MGAT5: variants seen among roughly 807,000 people sequenced by gnomAD.
The protein encoded by MGAT5 is alpha-1,6-mannosylglycoprotein 6-beta-N-acetylglucosaminyltransferase.
In MGAT5, 30 loss-of-function variants were observed where a neutral mutation model predicts 94.3. The ratio of observed to expected loss-of-function variants is 0.32; its 90% CI spans 0.24 to 0.43. MGAT5 has a LOEUF of 0.43. Among genes scored for constraint, MGAT5 ranks in the 20% least tolerant of loss-of-function variants. The probability of loss-of-function intolerance (pLI) is 1.00; values close to 1 mark genes in which losing one functional copy is unlikely to be tolerated. For missense variants in MGAT5, 691 were observed against 905.5 expected, an observed-to-expected ratio of 0.76 and a Z score of 3.04; for synonymous variants, 310 against 322.9, an observed-to-expected ratio of 0.96 and a Z score of 0.43.
chr2:134,445,570 G>A (rs1010983174), intron 15 of MGAT5, among the ~76,000 whole-genome samples: 1 of 152,176 alleles, frequency 6.6e-6, no homozygotes, highest in African/African-American at 2.4e-5. Context: ...CCCAGTGCCT[G>A]TGACTTCAGT....
At chr2:134,131,928 A>G (rs945175885) in intron 1 of MGAT5, among the ~76,000 whole-genome samples, 5 of 152,200 alleles carry the variant, frequency 3.3e-5, no homozygotes, top group African/African-American at 9.7e-5. Context: ...AGACCAGCCA[A>G]TGCCATCTGA....
At chr2:134,244,066 AG>A (rs1169435595) in intron 1 of MGAT5, among the ~76,000 whole-genome samples, 1 of 152,132 alleles carries the variant, frequency 6.6e-6, no homozygotes, top group Non-Finnish European at 1.5e-5. Flanking sequence ...CTCAGAGAAA[AG>A]GTGCATTTTA....
At chr2:134,133,248 G>T (rs566596030) in intron 1 of MGAT5, among the ~76,000 whole-genome samples, 41 of 152,184 alleles carry the variant, frequency 2.7e-4, no homozygotes, top group Non-Finnish European at 5.9e-4. Context: ...GGACTTCTGT[G>T]GTTGAAAAGA....
At chr2:134,435,429 C>T (rs1334369166) in intron 14 of MGAT5, among the ~76,000 whole-genome samples, 1 of 152,176 alleles carries the variant, frequency 6.6e-6, no homozygotes, top group Non-Finnish European at 1.5e-5. Flanking sequence ...TCAGTGATGC[C>T]TTATCAGGAC....
chr2:134,388,050 C>A (rs973408273), intron 10 of MGAT5, among the ~76,000 whole-genome samples: 1 of 152,138 alleles, frequency 6.6e-6, no homozygotes, highest in Admixed American at 6.5e-5. Flanking sequence ...TAGAAGGATG[C>A]ACAAAAGATG....
At chr2:134,177,778 C>A (rs991804181) in intron 1 of MGAT5, among the ~76,000 whole-genome samples, 1 of 152,154 alleles carries the variant, frequency 6.6e-6, no homozygotes, top group East Asian at 1.9e-4. Context: ...GTCAGCAGCA[C>A]GGAATGGCCG....
At chr2:134,125,445 GA>G (rs1685798997) in intron 1 of MGAT5, among the ~76,000 whole-genome samples, 1 of 152,178 alleles carries the variant, frequency 6.6e-6, no homozygotes, top group Non-Finnish European at 1.5e-5. Context: ...CCTAAGCCGA[GA>G]GGGCTTCATA....
intron 2 of MGAT5, among the ~76,000 whole-genome samples, chr2:134,283,008 C>A (rs975734197): frequency 1.3e-5 from 2 of 150,822 alleles, no homozygotes; most frequent in East Asian, 3.9e-4. Context: ...AAAAAAAGGA[C>A]CCTTTACTGT....
intron 1 of MGAT5, among the ~76,000 whole-genome samples, chr2:134,134,596 C>T (rs1286963011): frequency 6.6e-6 from 1 of 152,196 alleles, no homozygotes; most frequent in Non-Finnish European, 1.5e-5. Context: ...CCTCAGTGCC[C>T]AGCTTGAGAT....
At chr2:134,150,373 C>G (rs1449071913) in intron 1 of MGAT5, among the ~76,000 whole-genome samples, 2 of 152,136 alleles carry the variant, frequency 1.3e-5, no homozygotes, top group African/African-American at 4.8e-5. Flanking sequence ...TGTAAATTGT[C>G]CCCTGGTTTC....
At chr2:134,198,816 C>T (rs1679624880) in intron 1 of MGAT5, among the ~76,000 whole-genome samples, 1 of 152,178 alleles carries the variant, frequency 6.6e-6, no homozygotes, top group Non-Finnish European at 1.5e-5. Context: ...CTTTTGGTAA[C>T]TGCATCATGT....
At chr2:134,332,635 A>G (rs981777465) in intron 4 of MGAT5, among the ~76,000 whole-genome samples, 310 of 152,272 alleles carry the variant, frequency 2.0e-3, no homozygotes, top group African/African-American at 7.0e-3. Context: ...AGAAACTACC[A>G]TCAGAGTGAA....
At chr2:134,172,417 T>G (rs931205744) in intron 1 of MGAT5, among the ~76,000 whole-genome samples, 1 of 152,062 alleles carries the variant, frequency 6.6e-6, no homozygotes, top group South Asian at 2.1e-4. Context: ...GATGGAGTCT[T>G]GCTCTGTCTC....
chr2:134,276,081 G>A (rs1399273250), intron 2 of MGAT5, among the ~76,000 whole-genome samples: 1 of 152,128 alleles, frequency 6.6e-6, no homozygotes, highest in Non-Finnish European at 1.5e-5. Flanking sequence ...AAAGACGCCT[G>A]AGACGCTGAA....
Position 134,144,565 on chromosome 2 carries a change from C to A in MGAT5, c.-143+24274C>A, listed in dbSNP as rs186920167. Among the ~76,000 whole-genome samples, 20 of 152,266 alleles carry A rather than the reference C, an allele frequency of 1.3e-4. 1 individual carries two copies. Among genetic ancestry groups the A allele is most frequent in the Admixed American group, 1.1e-3 (17 of 15,302 alleles). Reference sequence around the variant, plus strand: ...AGGAACACAGATCCAAACCATATCACGCACTAAGTTCGAACATTTGGTGCT... The same window carrying A: ...AGGAACACAGATCCAAACCATATCAAGCACTAAGTTCGAACATTTGGTGCT... On this transcript the variant is annotated intron_variant, in intron 1 of 16. Transcript: ENST00000409645.
chr2:134,405,435 C>T (rs1460816605), intron 11 of MGAT5, among the ~76,000 whole-genome samples: 1 of 152,138 alleles, frequency 6.6e-6, no homozygotes, highest in East Asian at 1.9e-4. Flanking sequence ...GCTGAGACTC[C>T]CCTCACACCT....
At chr2:134,148,107 GT>G (rs1213768216) in intron 1 of MGAT5, among the ~76,000 whole-genome samples, 1 of 152,098 alleles carries the variant, frequency 6.6e-6, no homozygotes, top group Non-Finnish European at 1.5e-5. Flanking sequence ...AATCTAATTT[GT>G]TTGCCTTGTA....
At chr2:134,152,202 A>T (rs1279112643) in intron 1 of MGAT5, among the ~76,000 whole-genome samples, 2 of 139,742 alleles carry the variant, frequency 1.4e-5, no homozygotes, top group Non-Finnish European at 3.0e-5. Context: ...GCCCACCGCC[A>T]TGGGAACTCA....
At chr2:134,129,611 A>C (rs942042402) in intron 1 of MGAT5, among the ~76,000 whole-genome samples, 2 of 150,892 alleles carry the variant, frequency 1.3e-5, no homozygotes, top group Non-Finnish European at 2.9e-5. Flanking sequence ...CAAATCAACT[A>C]TTTGCCAAAA....
Sources: gnomAD v4.1 joint callset for allele counts (sites outside exome capture counted in the v4.1 genomes callset) on GRCh38, gnomAD v4.1.1 for gene constraint, MANE v1.5 for transcripts, NCBI Gene and HGNC (gene_info 2026-07-23, HGNC 2026-07-21) for gene names.